Variants in EIF4E2 observed in about 807,000 individuals in gnomAD.
EIF4E2 encodes eukaryotic translation initiation factor 4E type 2.
In EIF4E2, 13 loss-of-function variants were observed where a neutral mutation model predicts 34.2. The observed-to-expected ratio is 0.38, with a 90% confidence interval of 0.25 to 0.60. The LOEUF (loss-of-function observed/expected upper bound fraction) is 0.60, where lower values mean the gene tolerates loss of function less well. Ranked by LOEUF, EIF4E2 falls within the 20% of genes least tolerant of loss-of-function variation. The probability of loss-of-function intolerance (pLI) is 0.62; values close to 1 mark genes in which losing one functional copy is unlikely to be tolerated. For missense variants in EIF4E2, 222 were observed against 315.1 expected (o/e 0.70, Z 2.24); for synonymous variants, 100 against 106.6 (o/e 0.94, Z 0.38).
At chr2:232,554,168 A>C (rs1028927952) in intron 1 of EIF4E2, among the ~76,000 whole-genome samples, 4 of 152,232 alleles carry the variant, frequency 2.6e-5, no homozygotes, top group Non-Finnish European at 5.9e-5. Flanking sequence ...TCAGAAGAGG[A>C]GACCCCAACT....
At chr2:232,558,149 G>A (rs538461209) in intron 3 of EIF4E2, 131 bp downstream of exon 3, 44 of 1,232,460 alleles carry the variant, frequency 3.6e-5, no homozygotes, top group South Asian at 2.7e-4. Flanking sequence ...CTGAGTCTCC[G>A]GAGTCAGATT....
intron 3 of EIF4E2, 66 bp downstream of exon 3, chr2:232,558,084 T>C: frequency 6.4e-7 from 1 of 1,554,162 alleles, no homozygotes; most frequent in East Asian, 2.3e-5. Flanking sequence ...TGATATGATG[T>C]TTATTTACTT....
At chr2:232,563,175 C>T (rs571451678) in intron 3 of EIF4E2, among the ~76,000 whole-genome samples, 2 of 152,276 alleles carry the variant, frequency 1.3e-5, no homozygotes, top group South Asian at 4.1e-4. Flanking sequence ...TGGAATGTTC[C>T]GTGTTTTCTC....
chr2:232,560,142 T>C (rs1293595972), intron 3 of EIF4E2, among the ~76,000 whole-genome samples: 1 of 152,194 alleles, frequency 6.6e-6, no homozygotes. Context: ...AGAAGCTCCC[T>C]GAACCTTCCT....
intron 1 of EIF4E2, among the ~76,000 whole-genome samples, chr2:232,555,198 A>T (rs188377012): frequency 1.1e-4 from 17 of 152,364 alleles, no homozygotes; most frequent in African/African-American, 3.8e-4. Context: ...ATGTGTCAGC[A>T]TAGGGTAGTA....
rs548963784 is a variant in EIF4E2, at chr2:232,582,429, A to G, written c.*1486A>G. 3 of 152,314 alleles carry G rather than the reference A, an allele frequency of 2.0e-5. No individual in the cohort carries two copies. The South Asian group carries it at 6.2e-4, about 32-fold the overall frequency. The allele number at this position is 152,314 out of a possible 1,614,324, so 9.4% of individuals were successfully genotyped here. On this transcript the variant is annotated 3_prime_UTR_variant, in exon 7 of 7. Transcript: ENST00000409098. ...TTTTTTCTGAAAGAACGGGGAGTACAGGGGCCAAAAGGGAGGTGCTTCTAT... is the reference window on the plus strand; with the variant it reads ...TTTTTTCTGAAAGAACGGGGAGTACGGGGGCCAAAAGGGAGGTGCTTCTAT...
intron 4 of EIF4E2, among the ~76,000 whole-genome samples, 185 bp downstream of exon 4, chr2:232,564,536 C>T (rs1404624506): frequency 2.6e-5 from 4 of 152,244 alleles, no homozygotes; most frequent in African/African-American, 7.2e-5. Flanking sequence ...CTGCAAGCTC[C>T]GCCTCCCAGG....
intron 3 of EIF4E2, chr2:232,558,219 T>C (rs1247020683): frequency 1.9e-5 from 11 of 574,620 alleles, no homozygotes; most frequent in Middle Eastern, 4.7e-4. Context: ...TCAACAAATA[T>C]GAGAATTGTA....
At chr2:232,558,836 C>A (rs543870317) in intron 3 of EIF4E2, 101 of 147,202 alleles carry the variant, frequency 6.9e-4, no homozygotes, top group African/African-American at 2.5e-3. Context: ...AAAATGAAAT[C>A]TCTAATAATT....
chr2:232,574,117 C>A (rs1274625020), downstream of EIF4E2: 6 of 834,180 alleles, frequency 7.2e-6, no homozygotes, highest in African/African-American at 1.7e-5. Flanking sequence ...TCCAGTGGGA[C>A]CTCGCTGCTC....
rs564607991 is a variant in EIF4E2, at chr2:232,568,653, C to G, written c.666-292C>G. The G allele has an allele frequency of 2.0e-4, 193 of 985,200 alleles. 1 individual carries two copies. In the Middle Eastern group the frequency reaches 4.7e-3, roughly 24 times the overall value. The allele number at this position is 985,200 out of a possible 1,614,324, so 61.0% of individuals were successfully genotyped here. A position where few individuals can be genotyped will look rare whatever the true frequency, so the allele number is the denominator to read the frequency against. On this transcript the variant is annotated intron_variant, in intron 6 of 6. Coordinates refer to ENST00000258416, the MANE Select transcript of EIF4E2 (RefSeq NM_004846.4). Reference sequence around the variant, plus strand: ...AAGAGGTATTTTTCATCAATTCTCCCCTTCTCTGCTCTTCTCCCTTTCTAA... The same window carrying G: ...AAGAGGTATTTTTCATCAATTCTCCGCTTCTCTGCTCTTCTCCCTTTCTAA...
chr2:232,568,727 C>A (rs116444102), intron 6 of EIF4E2: 13,447 of 985,412 alleles, frequency 0.014, 101 homozygotes, highest in Admixed American at 0.023. Context: ...ATGTACACGT[C>A]CTTACAGAGT....
intron 3 of EIF4E2, chr2:232,558,384 A>C (rs1395514332): frequency 2.6e-5 from 4 of 155,450 alleles, no homozygotes; most frequent in African/African-American, 9.7e-5. Context: ...TCCTGGGTTC[A>C]AGCAATTCTT....
intron 6 of EIF4E2, chr2:232,568,373 A>G (rs1194443316): frequency 5.1e-6 from 5 of 985,330 alleles, no homozygotes; most frequent in Non-Finnish European, 6.0e-6. Flanking sequence ...ATGACTCATC[A>G]TAGTCACGAA....
intron 6 of EIF4E2, among the ~76,000 whole-genome samples, chr2:232,579,610 G>T (rs1230190524): frequency 6.6e-6 from 1 of 152,180 alleles, no homozygotes; most frequent in Non-Finnish European, 1.5e-5. Flanking sequence ...TGGCTGGGCT[G>T]AGCATATTCT....
chr2:232,559,309 T>TA, intron 3 of EIF4E2, among the ~76,000 whole-genome samples: 1 of 151,886 alleles, frequency 6.6e-6, no homozygotes, highest in Middle Eastern at 3.4e-3. Flanking sequence ...TCTTTATTAG[T>TA]ACTCCTGATG....
At chr2:232,563,484 A>G (rs1692798725) in intron 3 of EIF4E2, among the ~76,000 whole-genome samples, 1 of 152,126 alleles carries the variant, frequency 6.6e-6, no homozygotes, top group African/African-American at 2.4e-5. Flanking sequence ...ATGGAAAAAT[A>G]TAAATCTAGT....
chr2:232,578,075 C>A (rs911372073), intron 6 of EIF4E2, among the ~76,000 whole-genome samples: 4 of 152,174 alleles, frequency 2.6e-5, no homozygotes, highest in Non-Finnish European at 4.4e-5. Context: ...TCAAGCTGTT[C>A]TCAACCCACT....
intron 3 of EIF4E2, among the ~76,000 whole-genome samples, chr2:232,561,671 C>A (rs945877550): frequency 6.6e-6 from 1 of 152,130 alleles, no homozygotes; most frequent in African/African-American, 2.4e-5. Context: ...TTTAAAAGTT[C>A]TTGAAGTCAG....
Sources: allele counts gnomAD v4.1 joint callset (sites outside exome capture counted in the v4.1 genomes callset), GRCh38; gene constraint gnomAD v4.1.1; transcripts MANE v1.5; gene names NCBI Gene and HGNC (gene_info 2026-07-23, HGNC 2026-07-21).